Variants in ARHGAP44 observed in about 807,000 individuals in gnomAD.
ARHGAP44 encodes the protein rho GTPase-activating protein 44.
In ARHGAP44, 43 loss-of-function variants were observed where a neutral mutation model predicts 106.8. That is an observed-to-expected ratio of 0.40 (90% CI 0.32 to 0.52). The LOEUF (loss-of-function observed/expected upper bound fraction) is 0.52, where lower values mean the gene tolerates loss of function less well. Ranked by LOEUF, ARHGAP44 falls within the 20% of genes least tolerant of loss-of-function variation. The pLI, the probability that ARHGAP44 is intolerant of heterozygous loss-of-function variation, is 0.48. For synonymous variants in ARHGAP44, 439 were observed against 410.3 expected, an observed-to-expected ratio of 1.07 and a Z score of -0.85; for missense variants, 866 against 1,050.5, an observed-to-expected ratio of 0.82 and a Z score of 2.43.
chr17:12,859,821 C>T (rs563679472), intron 1 of ARHGAP44, among the ~76,000 whole-genome samples: 220 of 152,252 alleles, frequency 1.4e-3, no homozygotes, highest in Middle Eastern at 3.4e-3. Flanking sequence ...TGAGCAGGCA[C>T]GGAAAGAGGG....
At chr17:12,823,238 G>T (rs368728851) in intron 1 of ARHGAP44, among the ~76,000 whole-genome samples, 8 of 152,260 alleles carry the variant, frequency 5.3e-5, no homozygotes, top group African/African-American at 1.4e-4. Context: ...CTGAGTTGGA[G>T]GAGGTGACTC....
intron 16 of ARHGAP44, among the ~76,000 whole-genome samples, chr17:12,971,802 C>A (rs575624061): frequency 6.6e-6 from 1 of 152,106 alleles, no homozygotes; most frequent in Non-Finnish European, 1.5e-5. Flanking sequence ...AGCCATCCAG[C>A]GGAGATGAGA....
chr17:12,916,614 A>G (rs1210380820), intron 5 of ARHGAP44, among the ~76,000 whole-genome samples: 1 of 152,158 alleles, frequency 6.6e-6, no homozygotes, highest in East Asian at 1.9e-4. Context: ...CGAACTCCTG[A>G]CCTCAGGCGA....
chr17:12,812,732 A>G (rs2034475466), intron 1 of ARHGAP44, among the ~76,000 whole-genome samples: 1 of 152,244 alleles, frequency 6.6e-6, no homozygotes, highest in Admixed American at 6.5e-5. Context: ...GGAAGAATAT[A>G]AAAAGTTGTG....
chr17:12,980,318 G>T, intron 19 of ARHGAP44, 85 bp downstream of exon 19: 1 of 1,411,864 alleles, frequency 7.1e-7, no homozygotes, highest in Non-Finnish European at 9.5e-7. Flanking sequence ...CTATGAACTT[G>T]GATATTGAGA....
intron 1 of ARHGAP44, among the ~76,000 whole-genome samples, chr17:12,805,307 C>A (rs889730250): frequency 6.6e-6 from 1 of 152,176 alleles, no homozygotes; most frequent in African/African-American, 2.4e-5. Context: ...GTTTCTTCAT[C>A]TCTGTGTCCT....
At chr17:12,878,596 T>C (rs1567664276) in intron 1 of ARHGAP44, among the ~76,000 whole-genome samples, 1 of 152,190 alleles carries the variant, frequency 6.6e-6, no homozygotes, top group African/African-American at 2.4e-5. Flanking sequence ...AGACCTAAAA[T>C]ACCAGCCTTC....
chr17:12,903,140 A>AATGT (rs2037442077), intron 3 of ARHGAP44, among the ~76,000 whole-genome samples: 5 of 57,574 alleles, frequency 8.7e-5, no homozygotes. Flanking sequence ...AGAGAGAGAG[A>AATGT]GTGTGTGTGT....
chr17:12,854,852 G>A (rs1380741032), intron 1 of ARHGAP44, among the ~76,000 whole-genome samples: 3 of 151,818 alleles, frequency 2.0e-5, no homozygotes, highest in Non-Finnish European at 4.4e-5. Flanking sequence ...CAGCTACTTG[G>A]GAGGCCGAGG....
At chr17:12,956,519 A>T in intron 14 of ARHGAP44, 136 bp from the exon 15 acceptor site, 1 of 667,032 alleles carries the variant, frequency 1.5e-6, no homozygotes, top group East Asian at 2.7e-5. Flanking sequence ...CCCAAGAGAA[A>T]GTCTGCTCTC....
At chr17:12,859,842 A>G (rs1402792872) in intron 1 of ARHGAP44, among the ~76,000 whole-genome samples, 1 of 152,242 alleles carries the variant, frequency 6.6e-6, no homozygotes, top group Non-Finnish European at 1.5e-5. Flanking sequence ...AGCTGCACGC[A>G]TTAGCCTTGA....
intron 1 of ARHGAP44, among the ~76,000 whole-genome samples, chr17:12,802,955 ATATATATATATATATTTT>A (rs1567621335): frequency 1.4e-4 from 3 of 22,098 alleles, no homozygotes; most frequent in African/African-American, 1.2e-3. Flanking sequence ...ATATATATAT[ATATATATATATATATTTT>A]TTTTTTTTTT....
intron 5 of ARHGAP44, among the ~76,000 whole-genome samples, chr17:12,917,105 C>T (rs1419924594): frequency 6.6e-6 from 1 of 152,144 alleles, no homozygotes; most frequent in African/African-American, 2.4e-5. Flanking sequence ...GACACTCCAT[C>T]TATATAAAAT....
intron 18 of ARHGAP44, among the ~76,000 whole-genome samples, chr17:12,975,609 T>C (rs887457229): frequency 6.6e-6 from 1 of 151,700 alleles, no homozygotes; most frequent in African/African-American, 2.4e-5. Flanking sequence ...CCATCCTGGC[T>C]AACACGGTGA....
chr17:12,896,467 G>T lies in ARHGAP44; in HGVS notation c.154G>T (p.Ala52Ser), dbSNP rs753820014. ...VSHSTHKKLT[A>S]CLQGQQGAEA... is the part of the protein sequence containing the mutation. ...CCACAGCACGCACAAGAAGCTCACC[G>T]CATGTCTGCAGGGCCAGCAAGGGGC... Residue 52 changes from alanine to serine, a missense_variant, in exon 3 of 21, where the codon GCA (alanine) becomes TCA (serine). Ala to Ser is a moderately conservative substitution (Grantham distance 99). Transcript: ENST00000379672. 4 of 1,609,356 alleles carry T rather than the reference G, an allele frequency of 2.5e-6. No individual in the cohort carries two copies. Among genetic ancestry groups the T allele is most frequent in the Non-Finnish European group, 3.4e-6 (4 of 1,178,176 alleles).
intron 1 of ARHGAP44, among the ~76,000 whole-genome samples, chr17:12,842,072 C>T (rs9895311): frequency 0.23 from 35,240 of 151,334 alleles, 6,120 homozygotes; most frequent in African/African-American, 0.48. Flanking sequence ...CAGCCTTGGC[C>T]GAACATGAGA....
intron 1 of ARHGAP44, among the ~76,000 whole-genome samples, chr17:12,813,086 G>C (rs1009588995): frequency 6.6e-6 from 1 of 152,140 alleles, no homozygotes; most frequent in African/African-American, 2.4e-5. Flanking sequence ...AGTCTCCTTA[G>C]AGCTGCTTTG....
At chr17:12,839,761 C>A (rs1284034869) in intron 1 of ARHGAP44, among the ~76,000 whole-genome samples, 2 of 152,176 alleles carry the variant, frequency 1.3e-5, no homozygotes, top group African/African-American at 4.8e-5. Context: ...GTCCTTTAGG[C>A]TCCTCTTCTC....
rs1055464543 is a variant in ARHGAP44, at chr17:12,956,676, C to T, written c.1272C>T (p.Thr424=). Reference sequence around the variant, plus strand: ...ACAGGAACATTACAGAGATGATGACCACAGTGTCGCTGCAAATTGTTGGGA... The same window carrying T: ...ACAGGAACATTACAGAGATGATGACTACAGTGTCGCTGCAAATTGTTGGGA... ...QAEGNITEMM[T]TVSLQIVGII... The change falls in exon 15 of 21, where the codon ACC becomes ACT. Residue 424 remains threonine, a synonymous_variant. Coordinates refer to ENST00000379672, the MANE Select transcript of ARHGAP44 (RefSeq NM_014859.6). The T allele has an allele frequency of 1.2e-6, 2 of 1,613,994 alleles. No individual in the cohort carries two copies. The highest frequency in any genetic ancestry group is 2.7e-5 in the African/African-American group (2 of 74,914).
Sources: gnomAD v4.1 joint callset for allele counts (sites outside exome capture counted in the v4.1 genomes callset) on GRCh38, gnomAD v4.1.1 for gene constraint, MANE v1.5 for transcripts, NCBI Gene and HGNC (gene_info 2026-07-23, HGNC 2026-07-21) for gene names.